The following OSBP2 variants were observed in gnomAD, a reference collection of about 807,000 sequenced individuals.
OSBP2 encodes the protein oxysterol-binding protein 2.
Under a neutral mutation model 96.0 loss-of-function variants are expected in OSBP2, and 66 were observed. The observed-to-expected ratio is 0.69, with a 90% CI of 0.56 to 0.84. OSBP2 has a LOEUF of 0.84. Among genes scored for constraint, OSBP2 ranks in the 40% least tolerant of loss-of-function variants. The probability of loss-of-function intolerance (pLI) is 0.00; values close to 1 mark genes in which losing one functional copy is unlikely to be tolerated. For missense variants in OSBP2, 1,038 were observed against 1,222.7 expected (o/e 0.85, Z 2.25); for synonymous variants, 525 against 520.9 (o/e 1.01, Z -0.11).
intron 1 of OSBP2, among the ~76,000 whole-genome samples, chr22:30,722,105 G>C (rs998438995): frequency 2.0e-5 from 3 of 152,252 alleles, no homozygotes; most frequent in African/African-American, 4.8e-5. Flanking sequence ...CTGTGCCCTA[G>C]AGACCCTGCC....
At position 30,893,807 on chromosome 22, in the gene OSBP2, A is replaced by G; in HGVS notation, c.2191-10A>G. 3 of 1,600,650 alleles carry G rather than the reference A, an allele frequency of 1.9e-6. No individual in the cohort carries two copies. The highest frequency in any genetic ancestry group is 2.6e-6 in the Non-Finnish European group (3 of 1,173,484). On this transcript the variant is annotated splice_polypyrimidine_tract_variant and intron_variant, in intron 11 of 13. Coordinates refer to ENST00000332585, the MANE Select transcript of OSBP2 (RefSeq NM_030758.4). ...GTCTGCACCTACGCTGGTCCTGCCA[A>G]TGTCCACAGGTGACAGGAGTGGTGA...
chr22:30,906,349 T>G lies in OSBP2; in HGVS notation c.*10T>G. The G allele has an allele frequency of 6.3e-7, 1 of 1,593,094 alleles. No homozygotes were observed. Among genetic ancestry groups the G allele is most frequent in the Non-Finnish European group, 8.6e-7 (1 of 1,168,498 alleles). On this transcript the variant is annotated 3_prime_UTR_variant, in exon 14 of 14. Coordinates refer to ENST00000332585, the MANE Select transcript of OSBP2 (RefSeq NM_030758.4). ...CCCCAACATCTTCTGAGCGCCACCC[T>G]TGCAACAAATACAGGCGCCTGCACA... is the stretch of plus-strand genomic sequence containing the variant.
chr22:30,694,627 C>T (rs1212329556), upstream of OSBP2, among the ~76,000 whole-genome samples: 2 of 3,672 alleles, frequency 5.4e-4, no homozygotes, highest in Non-Finnish European at 1.0e-3. Flanking sequence ...CGCGCCATCC[C>T]CTTCGGAGTT....
chr22:30,887,092 C>T (rs2039827092), intron 3 of OSBP2, among the ~76,000 whole-genome samples: 1 of 152,128 alleles, frequency 6.6e-6, no homozygotes, highest in Non-Finnish European at 1.5e-5. Context: ...AGGATGACTT[C>T]CTGATGTTGC....
chr22:30,827,867 C>G (rs2038436439), intron 2 of OSBP2, among the ~76,000 whole-genome samples: 1 of 152,204 alleles, frequency 6.6e-6, no homozygotes, highest in South Asian at 2.1e-4. Context: ...TAATCATTGG[C>G]CATATCATTG....
intron 2 of OSBP2, among the ~76,000 whole-genome samples, chr22:30,776,386 A>G (rs142161730): frequency 3.9e-5 from 6 of 152,132 alleles, no homozygotes; most frequent in African/African-American, 1.4e-4. Context: ...CTGCCTCCCA[A>G]CATGCTGGGA....
At chr22:30,889,418 G>A in intron 6 of OSBP2, 72 bp from the exon 7 acceptor site, 1 of 1,573,248 alleles carries the variant, frequency 6.4e-7, no homozygotes, top group Non-Finnish European at 8.7e-7. Context: ...CAGGGTGGAG[G>A]GCAGAAACTT....
chr22:30,895,471 T>C (rs2040042739), intron 12 of OSBP2, among the ~76,000 whole-genome samples: 1 of 152,200 alleles, frequency 6.6e-6, no homozygotes, highest in South Asian at 2.1e-4. Context: ...AAGATTTTAG[T>C]CAAGGATAAA....
intron 2 of OSBP2, among the ~76,000 whole-genome samples, chr22:30,826,387 C>T (rs1233066091): frequency 6.6e-6 from 1 of 152,212 alleles, no homozygotes; most frequent in African/African-American, 2.4e-5. Flanking sequence ...CGGGCCTAGC[C>T]TCATAGCATG....
intron 12 of OSBP2, among the ~76,000 whole-genome samples, chr22:30,895,005 C>G (rs1255781386): frequency 2.0e-5 from 3 of 152,090 alleles, no homozygotes; most frequent in African/African-American, 7.2e-5. Flanking sequence ...GAGGGAAGAT[C>G]TGAGAATAAC....
chr22:30,836,259 T>C (rs2038630755), intron 2 of OSBP2, among the ~76,000 whole-genome samples: 1 of 152,206 alleles, frequency 6.6e-6, no homozygotes, highest in East Asian at 1.9e-4. Context: ...GTCCCCCTGC[T>C]CGCTTATCAG....
At chr22:30,811,031 C>A (rs1602297872) in intron 2 of OSBP2, among the ~76,000 whole-genome samples, 1 of 152,268 alleles carries the variant, frequency 6.6e-6, no homozygotes, top group East Asian at 1.9e-4. Flanking sequence ...AAATTTATAA[C>A]ATAAAATTTA....
At chr22:30,696,202 C>T (rs1439465405) in intron 1 of OSBP2, among the ~76,000 whole-genome samples, 1 of 152,180 alleles carries the variant, frequency 6.6e-6, no homozygotes, top group Non-Finnish European at 1.5e-5. Flanking sequence ...AATTAAAGTC[C>T]AGTGGTGAGA....
chr22:30,741,521 C>T, intron 2 of OSBP2, 152 bp downstream of exon 2: 1 of 625,784 alleles, frequency 1.6e-6, no homozygotes, highest in Non-Finnish European at 2.8e-6. Context: ...ATGTTCTGTG[C>T]ATCGTCAGCA....
chr22:30,868,909 A>T (rs1469653471), intron 2 of OSBP2, among the ~76,000 whole-genome samples: 1 of 152,266 alleles, frequency 6.6e-6, no homozygotes, highest in African/African-American at 2.4e-5. Flanking sequence ...TTTCAAAAAA[A>T]GTCTTATATC....
At chr22:30,823,867 G>A (rs1602316563) in intron 2 of OSBP2, among the ~76,000 whole-genome samples, 1 of 152,348 alleles carries the variant, frequency 6.6e-6, no homozygotes, top group Non-Finnish European at 1.5e-5. Flanking sequence ...TTTGGATATA[G>A]CGTCATTTCT....
chr22:30,748,251 G>A (rs963167600), intron 2 of OSBP2, among the ~76,000 whole-genome samples: 1 of 151,740 alleles, frequency 6.6e-6, no homozygotes, highest in African/African-American at 2.4e-5. Context: ...GCGCGATCTT[G>A]GCTCACTGCA....
intron 2 of OSBP2, chr22:30,822,366 G>A (rs2038291984): frequency 5.7e-6 from 3 of 526,552 alleles, no homozygotes; most frequent in Non-Finnish European, 5.8e-6. Context: ...CGCGCGGGAC[G>A]AGGCCGCGCT....
intron 2 of OSBP2, among the ~76,000 whole-genome samples, chr22:30,769,217 G>A (rs2090317236): frequency 6.6e-6 from 1 of 152,210 alleles, no homozygotes; most frequent in Non-Finnish European, 1.5e-5. Flanking sequence ...TTGGGATTCT[G>A]GCGTTGCTGT....
Sources: gnomAD v4.1 joint callset for allele counts (sites outside exome capture counted in the v4.1 genomes callset) on GRCh38, gnomAD v4.1.1 for gene constraint, MANE v1.5 for transcripts, NCBI Gene and HGNC (gene_info 2026-07-23, HGNC 2026-07-21) for gene names.